SCN9A: variants seen among roughly 807,000 people sequenced by gnomAD.
SCN9A encodes the protein sodium voltage-gated channel alpha subunit 9, also known as sodium channel protein type 9 subunit alpha.
In SCN9A, 131 loss-of-function variants were observed where a neutral mutation model predicts 187.0. That is an observed-to-expected ratio of 0.70 (90% CI 0.61 to 0.81). SCN9A has a LOEUF of 0.81. Among genes scored for constraint, SCN9A ranks in the 30% least tolerant of loss-of-function variants. The probability of loss-of-function intolerance (pLI) is 0.00; values close to 1 mark genes in which losing one functional copy is unlikely to be tolerated. For synonymous variants in SCN9A, 809 were observed against 808.6 expected (o/e 1.00, Z -0.01); for missense variants, 2,252 against 2,396.6 (o/e 0.94, Z 1.26).
intron 23 of SCN9A, 144 bp downstream of exon 23, chr2:166,227,526 C>T: frequency 4.7e-6 from 3 of 639,306 alleles, no homozygotes; most frequent in Non-Finnish European, 8.5e-6. Context: ...GCTGTACTCA[C>T]AACCACTAGG....
At chr2:166,342,478 C>T (rs544231457) in intron 1 of SCN9A, among the ~76,000 whole-genome samples, 2 of 152,266 alleles carry the variant, frequency 1.3e-5, no homozygotes, top group Non-Finnish European at 2.9e-5. Flanking sequence ...AACATTATGG[C>T]TTTAATTATA....
chr2:166,294,387 A>T (rs965089491), intron 8 of SCN9A, among the ~76,000 whole-genome samples: 28 of 152,320 alleles, frequency 1.8e-4, no homozygotes, highest in African/African-American at 5.8e-4. Flanking sequence ...TCTTGTGTTA[A>T]TTCGAGCACT....
intron 24 of SCN9A, among the ~76,000 whole-genome samples, chr2:166,218,647 A>G (rs1281093164): frequency 6.6e-6 from 1 of 152,158 alleles, no homozygotes; most frequent in Non-Finnish European, 1.5e-5. Flanking sequence ...ACCATTCAGG[A>G]CATAGGCATG....
chr2:166,362,755 A>G (rs1700316878), intron 1 of SCN9A, among the ~76,000 whole-genome samples: 1 of 151,930 alleles, frequency 6.6e-6, no homozygotes, highest in Admixed American at 6.6e-5. Context: ...TATTAGGAAT[A>G]TAACTTTGAC....
At chr2:166,222,699 G>A (rs1269584597) in intron 24 of SCN9A, among the ~76,000 whole-genome samples, 2 of 143,188 alleles carry the variant, frequency 1.4e-5, no homozygotes, top group South Asian at 2.2e-4. Flanking sequence ...TTGGGAGGCC[G>A]AGACGGGCGG....
chr2:166,228,650 A>G (rs1408364018), intron 22 of SCN9A, 41 bp downstream of exon 22: 2 of 1,470,356 alleles, frequency 1.4e-6, no homozygotes, highest in East Asian at 2.3e-5. Flanking sequence ...TTCGTCCAAT[A>G]TCTATTAAAA....
At chr2:166,364,845 C>T (rs1426494775) in intron 1 of SCN9A, among the ~76,000 whole-genome samples, 1 of 151,772 alleles carries the variant, frequency 6.6e-6, no homozygotes, top group Non-Finnish European at 1.5e-5. Flanking sequence ...TATATTTTAC[C>T]AAAATATAAA....
At chr2:166,323,238 C>T (rs1298355120) in intron 1 of SCN9A, among the ~76,000 whole-genome samples, 2 of 152,030 alleles carry the variant, frequency 1.3e-5, no homozygotes, top group African/African-American at 2.4e-5. Context: ...AATCTCTGAA[C>T]AGAATACAAG....
At chr2:166,325,163 T>G (rs1375213009) in intron 1 of SCN9A, among the ~76,000 whole-genome samples, 1 of 152,118 alleles carries the variant, frequency 6.6e-6, no homozygotes, top group Non-Finnish European at 1.5e-5. Context: ...TATTCTAATA[T>G]TAAATAAAGG....
intron 6 of SCN9A, among the ~76,000 whole-genome samples, chr2:166,303,779 T>C (rs1436689814): frequency 6.6e-6 from 1 of 152,160 alleles, no homozygotes; most frequent in Admixed American, 6.5e-5. Flanking sequence ...GATTGAAATT[T>C]TCCTTCCTGT....
intron 10 of SCN9A, 66 bp downstream of exon 10, chr2:166,288,371 C>A: frequency 7.8e-7 from 1 of 1,289,098 alleles, no homozygotes; most frequent in South Asian, 1.4e-5. Context: ...GCATATACCG[C>A]AGAGCCTCTG....
At chr2:166,354,692 C>T (rs1413356621) in intron 1 of SCN9A, among the ~76,000 whole-genome samples, 1 of 152,162 alleles carries the variant, frequency 6.6e-6, no homozygotes, top group Non-Finnish European at 1.5e-5. Context: ...TTAACCCTAA[C>T]TTAATTTTTG....
intron 1 of SCN9A, among the ~76,000 whole-genome samples, chr2:166,333,181 A>C (rs975012345): frequency 2.0e-5 from 3 of 152,072 alleles, no homozygotes; most frequent in Admixed American, 6.6e-5. Flanking sequence ...CAGTCAGTTA[A>C]ATTTGAATTA....
chr2:166,326,227 A>G (rs1164769922), intron 1 of SCN9A, among the ~76,000 whole-genome samples: 5 of 152,200 alleles, frequency 3.3e-5, no homozygotes, highest in East Asian at 1.9e-4. Context: ...TTCAAAGACA[A>G]TAAGAAGTAC....
intron 10 of SCN9A, 97 bp from the exon 11 acceptor site, chr2:166,286,720 G>A (rs1697766257): frequency 5.7e-6 from 5 of 876,170 alleles, no homozygotes; most frequent in Non-Finnish European, 8.1e-6. Context: ...TAACAACATG[G>A]TGCATATAAT....
chr2:166,298,533 G>A (rs1027200681), intron 7 of SCN9A, among the ~76,000 whole-genome samples: 1 of 152,170 alleles, frequency 6.6e-6, no homozygotes, highest in Non-Finnish European at 1.5e-5. Context: ...AAAATACTTT[G>A]CTATAGGCAC....
At chr2:166,231,834 G>T (rs1695100250) in intron 21 of SCN9A, among the ~76,000 whole-genome samples, 1 of 151,962 alleles carries the variant, frequency 6.6e-6, no homozygotes, top group Non-Finnish European at 1.5e-5. Flanking sequence ...GCTAATAGCT[G>T]GTCAGTAAAC....
chr2:166,303,115 G>T lies in SCN9A; in HGVS notation c.876C>A (p.Thr292=), dbSNP rs1395610209. The change falls in exon 7 of 27, where the codon ACC becomes ACA. Residue 292 remains threonine, a synonymous_variant. Coordinates refer to ENST00000642356, the MANE Select transcript of SCN9A (RefSeq NM_001365536.1). ...TTCTAAAGTCTTCTTCACTCTCTAGGGTATTCATTATGCTTTCTAATGTTT... is the reference window on the plus strand; with the variant it reads ...TTCTAAAGTCTTCTTCACTCTCTAGTGTATTCATTATGCTTTCTAATGTTT... ...NNETLESIMN[T]LESEEDFRKY... is the part of the protein sequence containing the mutation. 1 of 1,605,128 alleles carries T rather than the reference G, an allele frequency of 6.2e-7. No individual in the cohort carries two copies. Among genetic ancestry groups the T allele is most frequent in the Admixed American group, 1.7e-5 (1 of 58,782 alleles).
rs1186211082 is a variant in SCN9A, at chr2:166,278,287, T to G, written c.2370A>C (p.Glu790Asp). ...NLVFTGIFAAEMVLKLIAMDP... is the reference protein window; with the variant it reads ...NLVFTGIFAADMVLKLIAMDP... ...CCATGGCAATCAGTTTTAATACCAT[T>G]TCAGCTGCAAAGATTCCAGTAAAGA... Residue 790 changes from glutamate (E) to aspartate (D), a missense_variant, in exon 15 of 27, where the codon GAA (glutamate) becomes GAC (aspartate). Physicochemically the swap from Glu to Asp is conservative, Grantham distance 45. Coordinates refer to ENST00000642356, the MANE Select transcript of SCN9A (RefSeq NM_001365536.1). 1 of 1,606,860 alleles carries G rather than the reference T, an allele frequency of 6.2e-7. No homozygotes were observed. The highest frequency in any genetic ancestry group is 2.2e-5 in the East Asian group (1 of 44,588).
Sources: allele counts gnomAD v4.1 joint callset (sites outside exome capture counted in the v4.1 genomes callset), GRCh38; gene constraint gnomAD v4.1.1; transcripts MANE v1.5; gene names NCBI Gene and HGNC (gene_info 2026-07-23, HGNC 2026-07-21).